ENOX1: variants seen among roughly 807,000 people sequenced by gnomAD.
ENOX1 encodes candidate growth-related and time keeping constitutive hydroquinone (NADH) oxidase.
In ENOX1, 42 loss-of-function variants were observed where a neutral mutation model predicts 82.5. That is an observed-to-expected ratio of 0.51 (90% CI 0.40 to 0.66). The LOEUF is 0.66. Among genes scored for constraint, ENOX1 ranks in the 30% least tolerant of loss-of-function variants. The pLI, the probability that ENOX1 is intolerant of heterozygous loss-of-function variation, is 0.00. For missense variants in ENOX1, 608 were observed against 811.6 expected (o/e 0.75, Z 3.05); for synonymous variants, 271 against 282.2 (o/e 0.96, Z 0.40).
At chr13:43,398,139 T>C (rs1211763792) in intron 5 of ENOX1, among the ~76,000 whole-genome samples, 1 of 152,196 alleles carries the variant, frequency 6.6e-6, no homozygotes, top group East Asian at 1.9e-4. Flanking sequence ...TTTCAACATA[T>C]GAATTTGGGG....
At chr13:43,523,085 C>A (rs928386468) in intron 2 of ENOX1, among the ~76,000 whole-genome samples, 2 of 152,056 alleles carry the variant, frequency 1.3e-5, no homozygotes, top group Non-Finnish European at 2.9e-5. Flanking sequence ...ATAGTAATTC[C>A]TGACACACAC....
chr13:43,412,921 A>G lies in ENOX1; in HGVS notation c.-7T>C. 6 of 1,613,974 alleles carry G rather than the reference A, an allele frequency of 3.7e-6. No individual in the cohort carries two copies. Among genetic ancestry groups the G allele is most frequent in the Admixed American group, 1.7e-5 (1 of 60,018 alleles). On this transcript the variant is annotated 5_prime_UTR_variant, in exon 4 of 17. Coordinates refer to ENST00000690772, the MANE Select transcript of ENOX1 (RefSeq NM_001347969.2). ...CTCCACCTGCATCTACCATTGAATT[A>G]TGAGTGTCCAGAGGGGCAGGAACAC...
intron 2 of ENOX1, among the ~76,000 whole-genome samples, chr13:43,584,258 G>A (rs576773686): frequency 6.6e-6 from 1 of 152,316 alleles, no homozygotes; most frequent in South Asian, 2.1e-4. Context: ...TCATTAGGTT[G>A]TTGGTTTGGA....
intron 3 of ENOX1, among the ~76,000 whole-genome samples, chr13:43,434,294 GGT>G (rs1486062651): frequency 2.0e-5 from 3 of 152,076 alleles, no homozygotes; most frequent in Non-Finnish European, 4.4e-5. Context: ...TTGAAAACAT[GGT>G]TTTCAAATAA....
At chr13:43,344,412 T>A in intron 9 of ENOX1, 126 bp downstream of exon 9, 1 of 753,008 alleles carries the variant, frequency 1.3e-6, no homozygotes, top group Non-Finnish European at 2.2e-6. Context: ...TTATGAAGTT[T>A]GCCATTCAAT....
At chr13:43,712,634 T>A (rs2087806753) in intron 1 of ENOX1, among the ~76,000 whole-genome samples, 1 of 151,122 alleles carries the variant, frequency 6.6e-6, no homozygotes, top group Admixed American at 6.6e-5. Context: ...GTCCTTCACA[T>A]CCCTTGTAAG....
intron 1 of ENOX1, among the ~76,000 whole-genome samples, chr13:43,712,163 A>C (rs1276641646): frequency 6.8e-6 from 1 of 147,336 alleles, no homozygotes; most frequent in Non-Finnish European, 1.5e-5. Flanking sequence ...TCCCAGCACC[A>C]TTTATTAAAT....
chr13:43,541,171 C>CTTTTTTTTTTTT (rs1555317884), intron 2 of ENOX1, among the ~76,000 whole-genome samples: 2 of 38,734 alleles, frequency 5.2e-5, no homozygotes, highest in East Asian at 1.1e-3. Context: ...CTTCTTCCCT[C>CTTTTTTTTTTTT]TGTTTTTTTT....
intron 3 of ENOX1, among the ~76,000 whole-genome samples, chr13:43,483,178 T>C (rs907608010): frequency 3.4e-4 from 52 of 152,216 alleles, no homozygotes; most frequent in African/African-American, 1.2e-3. Context: ...TAGAAAGTAC[T>C]GTGTTCCTTC....
chr13:43,702,132 A>T (rs1294880128), intron 1 of ENOX1, among the ~76,000 whole-genome samples: 1 of 152,202 alleles, frequency 6.6e-6, no homozygotes, highest in East Asian at 1.9e-4. Context: ...CACTCAGAAT[A>T]ATGCCCTTTA....
intron 2 of ENOX1, among the ~76,000 whole-genome samples, chr13:43,515,867 G>A (rs2077541282): frequency 6.6e-6 from 1 of 152,152 alleles, no homozygotes; most frequent in African/African-American, 2.4e-5. Context: ...AACATGCCAT[G>A]TATGCCCTCC....
At chr13:43,339,822 T>C (rs1285559662) in intron 9 of ENOX1, among the ~76,000 whole-genome samples, 2 of 152,216 alleles carry the variant, frequency 1.3e-5, no homozygotes, top group African/African-American at 4.8e-5. Context: ...ACAATTCTAA[T>C]CTCATTCTAA....
chr13:43,639,689 G>A (rs1389522242), intron 2 of ENOX1, among the ~76,000 whole-genome samples: 1 of 152,126 alleles, frequency 6.6e-6, no homozygotes, highest in African/African-American at 2.4e-5. Flanking sequence ...TACTTCACAT[G>A]TATATGTGAT....
chr13:43,562,298 T>C (rs2079715407), intron 2 of ENOX1, among the ~76,000 whole-genome samples: 1 of 152,158 alleles, frequency 6.6e-6, no homozygotes, highest in South Asian at 2.1e-4. Context: ...ATGCAATTAG[T>C]GTAAGTTGTC....
At chr13:43,646,614 G>T (rs1164051408) in intron 2 of ENOX1, among the ~76,000 whole-genome samples, 3 of 152,084 alleles carry the variant, frequency 2.0e-5, no homozygotes, top group Admixed American at 6.6e-5. Context: ...TCCTTCTCAT[G>T]CGCTGATTGA....
chr13:43,447,473 C>T (rs2056715405), intron 3 of ENOX1, among the ~76,000 whole-genome samples: 1 of 151,996 alleles, frequency 6.6e-6, no homozygotes, highest in Non-Finnish European at 1.5e-5. Flanking sequence ...GGACAGGGAC[C>T]ACAATAGGAG....
chr13:43,531,825 C>CA (rs917183430), intron 2 of ENOX1, among the ~76,000 whole-genome samples: 7 of 148,540 alleles, frequency 4.7e-5, no homozygotes, highest in African/African-American at 1.7e-4. Flanking sequence ...ATCGCAAGGA[C>CA]AAAAAACCCA....
In ENOX1 at chr13:43,344,109, G is replaced by A. The variant is rs565964384; in HGVS notation, c.1036+429C>T. The stretch of plus-strand genomic sequence containing the variant: ...AAGATCCTGAGGAGTTTTTCTGATA[G>A]TACCCTTTTCCTACACAGAGCCCAA... On this transcript the variant is annotated intron_variant, in intron 9 of 16. Transcript: ENST00000690772. Among the ~76,000 whole-genome samples, 5 of 152,286 alleles carry A rather than the reference G, an allele frequency of 3.3e-5. No homozygotes were observed. In the East Asian group the frequency reaches 5.8e-4, roughly 18 times the overall value.
intron 1 of ENOX1, among the ~76,000 whole-genome samples, chr13:43,745,832 G>T (rs1388376295): frequency 6.6e-6 from 1 of 152,028 alleles, no homozygotes; most frequent in Non-Finnish European, 1.5e-5. Flanking sequence ...GTTTTATAAG[G>T]GGCTTTTCCC....
Sources: gnomAD v4.1 joint callset for allele counts (sites outside exome capture counted in the v4.1 genomes callset) on GRCh38, gnomAD v4.1.1 for gene constraint, MANE v1.5 for transcripts, NCBI Gene and HGNC (gene_info 2026-07-23, HGNC 2026-07-21) for gene names.